Variants in PRTG observed in about 807,000 individuals in gnomAD.
The protein encoded by PRTG is protogenin, also known as immunoglobulin superfamily, DCC subclass, member 5.
In PRTG, 67 loss-of-function variants were observed where a neutral mutation model predicts 122.5. That is an observed-to-expected ratio of 0.55 (90% CI 0.45 to 0.67). PRTG has a LOEUF of 0.67. PRTG is among the 30% of genes least tolerant of loss of function. The probability of loss-of-function intolerance (pLI) is 0.00; values close to 1 mark genes in which losing one functional copy is unlikely to be tolerated. For missense variants in PRTG, 1,435 were observed against 1,415.4 expected (o/e 1.01, Z -0.22); for synonymous variants, 554 against 501.1 (o/e 1.11, Z -1.41).
At chr15:55,664,759 T>A (rs1362226437) in intron 11 of PRTG, among the ~76,000 whole-genome samples, 1 of 151,820 alleles carries the variant, frequency 6.6e-6, no homozygotes, top group Non-Finnish European at 1.5e-5. Flanking sequence ...GCTAACTTTT[T>A]GATTTTTTGT....
chr15:55,627,384 C>T (rs868114134), intron 16 of PRTG, among the ~76,000 whole-genome samples: 11 of 146,374 alleles, frequency 7.5e-5, no homozygotes, highest in South Asian at 2.2e-4. Flanking sequence ...AGTGCAGTGG[C>T]GCAATCTCAG....
At chr15:55,638,760 G>A (rs1435441126) in intron 13 of PRTG, 84 bp from the exon 14 acceptor site, 4 of 1,195,596 alleles carry the variant, frequency 3.3e-6, no homozygotes, top group South Asian at 3.2e-5. Flanking sequence ...AATAGGTAAG[G>A]GCATAATGTT....
chr15:55,644,992 C>A (rs2059312502), intron 11 of PRTG, among the ~76,000 whole-genome samples: 1 of 152,278 alleles, frequency 6.6e-6, no homozygotes, highest in South Asian at 2.1e-4. Context: ...GGATTTACCA[C>A]ACCTTCCTCT....
rs898557404 is a variant in PRTG at position 55,616,617 on chromosome 15, C to T, written c.*3395G>A. On this transcript the variant is annotated 3_prime_UTR_variant, in exon 20 of 20. Coordinates refer to ENST00000389286, the MANE Select transcript of PRTG (RefSeq NM_173814.6). ...TGTTATTTGTATACAGACTGTGTTCCGAAGAGACATGTTTGGTTTAACATA... is the reference window on the plus strand; with the variant it reads ...TGTTATTTGTATACAGACTGTGTTCTGAAGAGACATGTTTGGTTTAACATA... 1 of 151,982 alleles carries T rather than the reference C, an allele frequency of 6.6e-6. No individual in the cohort carries two copies. Among genetic ancestry groups the T allele is most frequent in the Non-Finnish European group, 1.5e-5 (1 of 67,960 alleles). The allele number at this position is 151,982 out of a possible 1,614,324, so 9.4% of individuals were successfully genotyped here.
intron 11 of PRTG, among the ~76,000 whole-genome samples, chr15:55,665,910 T>C (rs987953186): frequency 6.6e-6 from 1 of 152,222 alleles, no homozygotes; most frequent in Non-Finnish European, 1.5e-5. Flanking sequence ...GTCAAAATTA[T>C]ATGAAATTCA....
intron 2 of PRTG, among the ~76,000 whole-genome samples, chr15:55,695,563 C>T (rs1318874823): frequency 6.6e-6 from 1 of 152,206 alleles, no homozygotes; most frequent in Non-Finnish European, 1.5e-5. Flanking sequence ...ACACCCCCTC[C>T]TTGGGGAATC....
chr15:55,612,912 G>C lies in PRTG; in HGVS notation c.*7100C>G. ...ATTGGTTTTGTGTATGCGTACGGGA[G>C]ATGCAAACATTTTTCATTTCAACAA... is the stretch of plus-strand genomic sequence containing the variant. On this transcript the variant is annotated 3_prime_UTR_variant, in exon 20 of 20. Coordinates refer to ENST00000389286, the MANE Select transcript of PRTG (RefSeq NM_173814.6). The C allele has an allele frequency of 6.6e-6, 1 of 151,600 alleles. No homozygotes were observed. The highest frequency in any genetic ancestry group is 1.5e-5 in the Non-Finnish European group (1 of 67,896). The allele number at this position is 151,600 out of a possible 1,614,324, so 9.4% of individuals were successfully genotyped here. A position where few individuals can be genotyped will look rare whatever the true frequency, so the allele number is the denominator to read the frequency against.
rs575873676 is a variant in PRTG at position 55,616,304 on chromosome 15, T to C, written c.*3708A>G. ...TTTAAAGAGCACATCTATCAAAGCATAGCCCACTTAAAGAATGACATGATT... is the reference window on the plus strand; with the variant it reads ...TTTAAAGAGCACATCTATCAAAGCACAGCCCACTTAAAGAATGACATGATT... On this transcript the variant is annotated 3_prime_UTR_variant, in exon 20 of 20. Transcript: ENST00000389286. 5 of 152,238 alleles carry C rather than the reference T, an allele frequency of 3.3e-5. No individual in the cohort carries two copies. The South Asian group carries it at 6.2e-4, about 19-fold the overall frequency. The allele number at this position is 152,238 out of a possible 1,614,324, so 9.4% of individuals were successfully genotyped here. A position where few individuals can be genotyped will look rare whatever the true frequency, so the allele number is the denominator to read the frequency against.
intron 2 of PRTG, among the ~76,000 whole-genome samples, chr15:55,695,838 G>A (rs1035555105): frequency 1.3e-5 from 2 of 152,088 alleles, no homozygotes; most frequent in African/African-American, 4.8e-5. Context: ...AGGCATGGTG[G>A]TTCATACCTG....
chr15:55,705,017 A>G (rs1051726947), intron 2 of PRTG, among the ~76,000 whole-genome samples: 15 of 152,234 alleles, frequency 9.9e-5, no homozygotes, highest in African/African-American at 2.4e-5. Context: ...ACTATATATC[A>G]TATGTACATT....
chr15:55,642,299 A>G (rs2059296310), intron 11 of PRTG, among the ~76,000 whole-genome samples: 1 of 152,076 alleles, frequency 6.6e-6, no homozygotes, highest in African/African-American at 2.4e-5. Flanking sequence ...ACATTTAAAT[A>G]CAGAATACTT....
intron 11 of PRTG, among the ~76,000 whole-genome samples, chr15:55,668,301 C>G (rs1053813568): frequency 3.3e-5 from 5 of 152,118 alleles, no homozygotes; most frequent in African/African-American, 7.2e-5. Context: ...CCCTTTTCAT[C>G]CTTTCAAATA....
chr15:55,736,873 T>C (rs551828952), intron 2 of PRTG, among the ~76,000 whole-genome samples: 9 of 152,338 alleles, frequency 5.9e-5, no homozygotes, highest in Admixed American at 1.3e-4. Context: ...AGCTTCCTGT[T>C]CAATCACTAG....
intron 2 of PRTG, among the ~76,000 whole-genome samples, chr15:55,734,819 G>C (rs1053753021): frequency 8.5e-5 from 13 of 152,136 alleles, no homozygotes; most frequent in Non-Finnish European, 1.9e-4. Context: ...ACCTTTGTGA[G>C]GATGACGCCT....
At position 55,642,033 on chromosome 15, in the gene PRTG, G is replaced by A. The variant is rs1391806674; in HGVS notation, c.2042-825C>T. 2.0e-5 allele frequency among the ~76,000 whole-genome samples: 3 copies of A among 150,784 alleles called. No individual in the cohort carries two copies. In the East Asian group the frequency reaches 5.9e-4, roughly 29 times the overall value. ...ACTAAAAATACAAAAAATTAGCCGG[G>A]CGCAGTGGCGGGCGCCTGTAGTCCC... On this transcript the variant is annotated intron_variant, in intron 11 of 19. Coordinates refer to ENST00000389286, the MANE Select transcript of PRTG (RefSeq NM_173814.6).
chr15:55,624,476 C>G lies in PRTG; in HGVS notation c.2959G>C (p.Gly987Arg), dbSNP rs773895755. The G allele has an allele frequency of 6.2e-7, 1 of 1,613,460 alleles. No individual in the cohort carries two copies. Among genetic ancestry groups the G allele is most frequent in the East Asian group, 2.2e-5 (1 of 44,854 alleles). ...KSSASKTAQN[G>R]TQQLPRTSAS... is the part of the protein sequence containing the mutation. ...CTGGTACGAGGTAACTGTTGAGTTC[C>G]ATTCTGTGCCGTCTTGGAAGCAGAT... The change falls in exon 18 of 20, where the codon GGA becomes CGA. Residue 987 changes from glycine to arginine, a missense_variant. Gly to Arg is a moderately radical substitution (Grantham distance 125, BLOSUM62 -2). Coordinates refer to ENST00000389286, the MANE Select transcript of PRTG (RefSeq NM_173814.6).
chr15:55,682,369 A>G lies in PRTG; in HGVS notation c.671T>C (p.Ile224Thr), dbSNP rs1339438941. The G allele has an allele frequency of 2.5e-6, 4 of 1,594,414 alleles. No homozygotes were observed. Among genetic ancestry groups the G allele is most frequent in the Non-Finnish European group, 3.4e-6 (4 of 1,169,156 alleles). The change falls in exon 4 of 20, where the codon ATT becomes ACT. Residue 224 changes from isoleucine (I) to threonine (T), a missense_variant. Transcript: ENST00000389286. ...RKSMEASLTV[I>T]PAKESKSFHT... is the part of the protein sequence containing the mutation. ...AAAACCACTCTGCGTGGTACCTGGA[A>G]TCACAGTTAGCGAGGCCTCCATACT... is the stretch of plus-strand genomic sequence containing the variant.
intron 2 of PRTG, among the ~76,000 whole-genome samples, chr15:55,696,200 G>A (rs1414326512): frequency 2.6e-5 from 4 of 152,122 alleles, no homozygotes; most frequent in African/African-American, 9.7e-5. Context: ...GGAGGTAGAA[G>A]CTGCAGTGAG....
chr15:55,683,704 A>G, intron 3 of PRTG, 83 bp downstream of exon 3: 2 of 1,159,244 alleles, frequency 1.7e-6, no homozygotes, highest in South Asian at 1.6e-5. Context: ...AATGAGGCCT[A>G]TAATGGTGTT....
Sources: allele counts gnomAD v4.1 joint callset (sites outside exome capture counted in the v4.1 genomes callset), GRCh38; gene constraint gnomAD v4.1.1; transcripts MANE v1.5; gene names NCBI Gene and HGNC (gene_info 2026-07-23, HGNC 2026-07-21).